The following NBEAL1 variants were observed in gnomAD, a reference collection of about 807,000 sequenced individuals.
The protein encoded by NBEAL1 is neurobeachin like 1, also known as neurobeachin-like protein 1.
In NBEAL1, 273 loss-of-function variants were observed where a neutral mutation model predicts 351.3. That is an observed-to-expected ratio of 0.78 (90% CI 0.70 to 0.86). The LOEUF (loss-of-function observed/expected upper bound fraction) is 0.86, where lower values mean the gene tolerates loss of function less well. Among genes scored for constraint, NBEAL1 ranks in the 40% least tolerant of loss-of-function variants. NBEAL1 has a pLI of 0.00. For synonymous variants in NBEAL1, 1,050 were observed against 1,086.4 expected (o/e 0.97, Z 0.66); for missense variants, 2,961 against 3,201.3 (o/e 0.92, Z 1.81).
At chr2:203,125,823 A>G (rs1315222199) in intron 20 of NBEAL1, 137 bp from the exon 21 acceptor site, 11 of 678,846 alleles carry the variant, frequency 1.6e-5, no homozygotes, top group South Asian at 5.4e-5. Context: ...TTCTGATTCT[A>G]TTGTACAATA....
intron 12 of NBEAL1, 64 bp downstream of exon 12, chr2:203,099,776 T>C: frequency 9.3e-7 from 1 of 1,073,922 alleles, no homozygotes; most frequent in South Asian, 1.5e-5. Context: ...CAGGGGTACA[T>C]GTGCAGGTTT....
In NBEAL1 at chr2:203,175,267, C is replaced by T. The variant is rs1197562371; in HGVS notation, c.6444C>T (p.His2148=). ...GTGTAGAACCGTTCACCACCCTCCACATCCAACTTCAGAGTGGAAGGTATG... is the reference window on the plus strand; with the variant it reads ...GTGTAGAACCGTTCACCACCCTCCATATCCAACTTCAGAGTGGAAGGTATG... ...LIRVEPFTTL[H]IQLQSGRFDC... The change falls in exon 42 of 56, where the codon CAC becomes CAT. Residue 2148 remains histidine, a synonymous_variant. Transcript: ENST00000683969. 1.9e-6 allele frequency: 3 copies of T among 1,613,586 alleles called. No individual in the cohort carries two copies. Among genetic ancestry groups the T allele is most frequent in the Middle Eastern group, 1.6e-4 (1 of 6,062 alleles).
chr2:203,132,185 A>G, intron 26 of NBEAL1, 53 bp downstream of exon 26: 6 of 1,184,968 alleles, frequency 5.1e-6, no homozygotes, highest in Non-Finnish European at 7.0e-6. Flanking sequence ...TTTTCCTGTA[A>G]GTTTTTTTCA....
At chr2:203,037,652 C>T (rs1288077259) in intron 2 of NBEAL1, among the ~76,000 whole-genome samples, 2 of 148,854 alleles carry the variant, frequency 1.3e-5, no homozygotes, top group African/African-American at 4.9e-5. Context: ...TTTCTGTTAC[C>T]ATAGACTGCT....
At chr2:203,093,646 G>A (rs952286547) in intron 10 of NBEAL1, among the ~76,000 whole-genome samples, 1 of 152,182 alleles carries the variant, frequency 6.6e-6, no homozygotes, top group Non-Finnish European at 1.5e-5. Context: ...TTGAGGTCAG[G>A]AGTTTGAGAC....
intron 35 of NBEAL1, among the ~76,000 whole-genome samples, chr2:203,151,947 C>CT (rs1174155322): frequency 1.3e-5 from 2 of 151,522 alleles, no homozygotes; most frequent in Non-Finnish European, 2.9e-5. Context: ...CTTAGCAATC[C>CT]TTTTTTTTCT....
At chr2:203,023,632 C>CA (rs146887391) in intron 2 of NBEAL1, among the ~76,000 whole-genome samples, 13,714 of 143,774 alleles carry the variant, frequency 0.095, 730 homozygotes, top group Non-Finnish European at 0.13. Flanking sequence ...TTGTTTCGGA[C>CA]AAAAAAAAAC....
Position 203,220,905 on chromosome 2 carries a change from A to G in NBEAL1, c.*3551A>G, listed in dbSNP as rs2065947394. On this transcript the variant is annotated 3_prime_UTR_variant, in exon 56 of 56. Coordinates refer to ENST00000683969, the MANE Select transcript of NBEAL1 (RefSeq NM_001378026.1). The stretch of plus-strand genomic sequence containing the variant: ...GTTAACTTTGTTTAGGTCACAGTGC[A>G]GTGCATCCTTTTGTAGAAGAAAAAA... Among the ~76,000 whole-genome samples the G allele has an allele frequency of 6.6e-6, 1 of 152,204 alleles. No homozygotes were observed. Among genetic ancestry groups the G allele is most frequent in the Admixed American group, 6.5e-5 (1 of 15,280 alleles).
At chr2:203,080,878 T>C (rs1043948951) in intron 8 of NBEAL1, among the ~76,000 whole-genome samples, 14 of 152,330 alleles carry the variant, frequency 9.2e-5, no homozygotes, top group African/African-American at 3.4e-4. Flanking sequence ...TATACAGGAA[T>C]AAAAATGGAA....
chr2:203,084,021 T>TGTGTGTGTGTGTGTG (rs2061920822), intron 9 of NBEAL1, among the ~76,000 whole-genome samples: 2 of 150,264 alleles, frequency 1.3e-5, no homozygotes, highest in Non-Finnish European at 3.0e-5. Context: ...TGTGTGTGTG[T>TGTGTGTGTGTGTGTG]TTCTCTTCCC....
intron 12 of NBEAL1, among the ~76,000 whole-genome samples, chr2:203,101,588 G>A (rs2062322135): frequency 6.6e-6 from 1 of 152,042 alleles, no homozygotes; most frequent in South Asian, 2.1e-4. Context: ...ATTGCTTTGG[G>A]CAGTATGGTC....
intron 15 of NBEAL1, among the ~76,000 whole-genome samples, chr2:203,111,042 A>G (rs943883394): frequency 2.6e-5 from 4 of 152,138 alleles, no homozygotes; most frequent in Non-Finnish European, 5.9e-5. Context: ...TTTGAATTTC[A>G]ATTTAAAATG....
chr2:203,030,046 G>A (rs1574866772), intron 2 of NBEAL1, among the ~76,000 whole-genome samples: 1 of 152,166 alleles, frequency 6.6e-6, no homozygotes, highest in East Asian at 1.9e-4. Context: ...CATCGATCAA[G>A]GTTTTAAAGG....
chr2:203,100,085 C>G (rs1244898187), intron 12 of NBEAL1, among the ~76,000 whole-genome samples: 1 of 152,108 alleles, frequency 6.6e-6, no homozygotes, highest in Non-Finnish European at 1.5e-5. Flanking sequence ...GATATGATCT[C>G]CTTTGTTTTT....
Position 203,145,090 on chromosome 2 carries a change from G to C in NBEAL1, c.5234G>C (p.Cys1745Ser). 4 of 1,613,436 alleles carry C rather than the reference G, an allele frequency of 2.5e-6. No individual in the cohort carries two copies. The highest frequency in any genetic ancestry group is 3.4e-6 in the Non-Finnish European group (4 of 1,179,756). Residue 1745 changes from cysteine (C) to serine (S), a missense_variant, in exon 33 of 56, where the codon TGT becomes TCT. Cys to Ser is a moderately radical substitution (Grantham distance 112). Transcript: ENST00000683969. ...HENMALYWKD[C>S]YEALMVNMHK... Reference sequence around the variant, plus strand: ...AACATGGCACTTTATTGGAAGGATTGTTATGAAGCTTTAATGGTAAATATG... The same window carrying C: ...AACATGGCACTTTATTGGAAGGATTCTTATGAAGCTTTAATGGTAAATATG...
chr2:203,064,079 A>G (rs977697795), intron 6 of NBEAL1, among the ~76,000 whole-genome samples: 1 of 151,974 alleles, frequency 6.6e-6, no homozygotes, highest in African/African-American at 2.4e-5. Context: ...TTTGAGACAG[A>G]GTCTTGCCCT....
At chr2:203,065,277 T>G (rs1330695615) in intron 6 of NBEAL1, among the ~76,000 whole-genome samples, 2 of 152,042 alleles carry the variant, frequency 1.3e-5, no homozygotes, top group Admixed American at 6.6e-5. Flanking sequence ...AAAAAAAATT[T>G]GGGATAAAGT....
intron 4 of NBEAL1, among the ~76,000 whole-genome samples, chr2:203,051,990 C>T (rs1385043): frequency 0.015 from 2,262 of 152,178 alleles, 26 homozygotes; most frequent in Middle Eastern, 0.051. Flanking sequence ...TAGTATGATA[C>T]ATTTATTACA....
Position 203,180,411 on chromosome 2 carries a change from C to T in NBEAL1, c.6494C>T (p.Ser2165Phe). 1.9e-6 allele frequency: 3 copies of T among 1,612,172 alleles called. No homozygotes were observed. Among genetic ancestry groups the T allele is most frequent in the Non-Finnish European group, 2.5e-6 (3 of 1,179,064 alleles). The change falls in exon 43 of 56, where the codon TCT (serine) becomes TTT (phenylalanine). Residue 2165 changes from serine to phenylalanine, a missense_variant. Ser to Phe is a radical substitution (Grantham distance 155). Transcript: ENST00000683969. ...RFDCADRQFH[S>F]IPATWQALMD... ...GACTGTGCAGATCGACAGTTCCATT[C>T]TATTCCTGCTACCTGGCAAGCTCTT...
Sources: gnomAD v4.1 joint callset for allele counts (sites outside exome capture counted in the v4.1 genomes callset) on GRCh38, gnomAD v4.1.1 for gene constraint, MANE v1.5 for transcripts, NCBI Gene and HGNC (gene_info 2026-07-23, HGNC 2026-07-21) for gene names.